The following CCDC110 variants were observed in gnomAD, a reference collection of about 807,000 sequenced individuals.
CCDC110 encodes coiled-coil domain containing 110, also known as coiled-coil domain-containing protein 110.
A neutral mutation model predicts 77.1 loss-of-function variants in CCDC110; 70 were observed. The observed-to-expected ratio is 0.91, with a 90% CI of 0.75 to 1.11. The LOEUF is 1.11. Among genes scored for constraint, CCDC110 ranks in the 50% least tolerant of loss-of-function variants. CCDC110 has a pLI of 0.00. For synonymous variants in CCDC110, 295 were observed against 312.5 expected (o/e 0.94, Z 0.59); for missense variants, 868 against 942.9 (o/e 0.92, Z 1.04).
rs766316951 is a variant in CCDC110, at chr4:185,445,514, G to C, written c.2490C>G (p.Leu830=). 21 of 1,579,270 alleles carry C rather than the reference G, an allele frequency of 1.3e-5. No individual in the cohort carries two copies. The highest frequency in any genetic ancestry group is 1.7e-5 in the Admixed American group (1 of 57,376). ...KGYFKVKDRT[L]KHH Reference sequence around the variant, plus strand: ...ATCTTGAGGAATCCTAATGATGCTTGAGAGTTCTGTCTTTAACTTTGAAAT... The same window carrying C: ...ATCTTGAGGAATCCTAATGATGCTTCAGAGTTCTGTCTTTAACTTTGAAAT... The change falls in exon 7 of 7, where the codon CTC becomes CTG. Residue 830 remains leucine, a synonymous_variant. Coordinates refer to ENST00000307588, the MANE Select transcript of CCDC110 (RefSeq NM_152775.4).
At position 185,459,310 on chromosome 4, in the gene CCDC110, G is replaced by A. The variant is rs1561160645; in HGVS notation, c.1277C>T (p.Ala426Val). 3.7e-6 allele frequency: 6 copies of A among 1,612,724 alleles called. No homozygotes were observed. Among genetic ancestry groups the A allele is most frequent in the Non-Finnish European group, 5.1e-6 (6 of 1,179,208 alleles). Residue 426 changes from alanine (A) to valine (V), a missense_variant, in exon 6 of 7, where the codon GCA becomes GTA. Ala to Val is a moderately conservative substitution (Grantham distance 64). Coordinates refer to ENST00000307588, the MANE Select transcript of CCDC110 (RefSeq NM_152775.4). Reference protein sequence around the residue: ...KVNSVTEQCVAKIQYLQNYLK... With the variant: ...KVNSVTEQCVVKIQYLQNYLK... ...GTAATTCTGTAAGTACTGAATTTTT[G>A]CAACACACTGCTCAGTAACGGAATT...
At chr4:185,450,487 G>A (rs560507132) in intron 6 of CCDC110, among the ~76,000 whole-genome samples, 1 of 152,240 alleles carries the variant, frequency 6.6e-6, no homozygotes, top group East Asian at 1.9e-4. Context: ...GGTGGCTCAC[G>A]CCTGAAATCC....
intron 6 of CCDC110, among the ~76,000 whole-genome samples, chr4:185,454,502 T>C (rs912450862): frequency 3.3e-5 from 5 of 151,834 alleles, no homozygotes; most frequent in African/African-American, 1.2e-4. Flanking sequence ...TCACTTAAGG[T>C]CAGGAGTTCG....
chr4:185,454,678 C>T (rs2095633693), intron 6 of CCDC110, among the ~76,000 whole-genome samples: 1 of 152,068 alleles, frequency 6.6e-6, no homozygotes. Flanking sequence ...CAGGCCACTG[C>T]ACTCCAGCCT....
Position 185,466,040 on chromosome 4 carries a change from C to T in CCDC110, c.116-2991G>A, listed in dbSNP as rs144182586. On this transcript the variant is annotated intron_variant, in intron 2 of 6. Transcript: ENST00000307588. ...AGAGATATCCAATAGTCAGGTGGGT[C>T]TACCAGTGTATGATTCATGGGAGCA... Among the ~76,000 whole-genome samples, 27 of 152,298 alleles carry T rather than the reference C, an allele frequency of 1.8e-4. No homozygotes were observed. In the East Asian group the frequency reaches 5.0e-3, roughly 28 times the overall value.
At chr4:185,452,888 C>CAAAAAA (rs70962569) in intron 6 of CCDC110, among the ~76,000 whole-genome samples, 3 of 67,252 alleles carry the variant, frequency 4.5e-5, no homozygotes, top group African/African-American at 6.1e-5. Flanking sequence ...GAGTGAGACT[C>CAAAAAA]AAAAAAAAAA....
In CCDC110 at chr4:185,445,192, C is replaced by T. The variant is rs906341816; in HGVS notation, c.*310G>A. 28 of 1,334,522 alleles carry T rather than the reference C, an allele frequency of 2.1e-5. No individual in the cohort carries two copies. Among genetic ancestry groups the T allele is most frequent in the Non-Finnish European group, 2.7e-5 (26 of 969,718 alleles). 82.7% of individuals were successfully genotyped at this position (1,334,522 alleles called of 1,614,324 possible). ...AAAATTGTTTCCAACTTTTATACTTCTTCAAAATAGTATCTTTTATTTATA... is the reference window on the plus strand; with the variant it reads ...AAAATTGTTTCCAACTTTTATACTTTTTCAAAATAGTATCTTTTATTTATA... On this transcript the variant is annotated 3_prime_UTR_variant, in exon 7 of 7. Coordinates refer to ENST00000307588, the MANE Select transcript of CCDC110 (RefSeq NM_152775.4).
intron 6 of CCDC110, among the ~76,000 whole-genome samples, chr4:185,453,586 C>T (rs1414707650): frequency 4.9e-5 from 7 of 143,936 alleles, no homozygotes; most frequent in South Asian, 2.2e-4. Flanking sequence ...CTTGCTCTGT[C>T]GCCTAGGCTG....
chr4:185,459,143 T>A lies in CCDC110; in HGVS notation c.1444A>T (p.Asn482Tyr). 6.3e-7 allele frequency: 1 copy of A among 1,598,854 alleles called. No homozygotes were observed. The highest frequency in any genetic ancestry group is 8.5e-7 in the Non-Finnish European group (1 of 1,171,822). ...ATAGTACTCTTTTCTTCAACCAGAT[T>A]CTTAAGTTGCTTTTCATATGTTTCA... ...KVETYEKQLK[N>Y]LVEEKSTIQS... The change falls in exon 6 of 7, where the codon AAT becomes TAT. Residue 482 changes from asparagine to tyrosine, a missense_variant. Physicochemically the swap from Asn to Tyr is moderately radical, Grantham distance 143. Coordinates refer to ENST00000307588, the MANE Select transcript of CCDC110 (RefSeq NM_152775.4).
chr4:185,461,771 G>A (rs2095646844), intron 4 of CCDC110, among the ~76,000 whole-genome samples: 1 of 152,180 alleles, frequency 6.6e-6, no homozygotes, highest in African/African-American at 2.4e-5. Flanking sequence ...GGATCCATCT[G>A]AATCAGGCCA....
chr4:185,449,522 TA>T (rs35349112), intron 6 of CCDC110: 34,676 of 803,906 alleles, frequency 0.043, no homozygotes, highest in South Asian at 0.081. Context: ...GACCCGGTCT[TA>T]AAAAAAAAAA....
rs1321147142 is a variant in CCDC110, at chr4:185,458,912, T to A, written c.1675A>T (p.Ile559Phe). ...KEHKTQSDMA[I>F]VNNENNRMSI... Reference sequence around the variant, plus strand: ...ATTCGATTATTTTCATTATTTACAATGGCCATATCACTTTGAGTTTTGTGT... The same window carrying A: ...ATTCGATTATTTTCATTATTTACAAAGGCCATATCACTTTGAGTTTTGTGT... The change falls in exon 6 of 7, where the codon ATT (isoleucine) becomes TTT (phenylalanine). Residue 559 changes from isoleucine (I) to phenylalanine (F), a missense_variant. By Grantham distance (21) the Ile-to-Phe change is conservative. Transcript: ENST00000307588. 3.7e-6 allele frequency: 6 copies of A among 1,607,934 alleles called. No individual in the cohort carries two copies. Among genetic ancestry groups the A allele is most frequent in the Non-Finnish European group, 5.1e-6 (6 of 1,178,678 alleles).
At chr4:185,467,873 A>G (rs1477648275) in intron 2 of CCDC110, among the ~76,000 whole-genome samples, 1 of 152,194 alleles carries the variant, frequency 6.6e-6, no homozygotes, top group African/African-American at 2.4e-5. Flanking sequence ...GGTTCAAGTG[A>G]TTCTCCTGCC....
rs1304447322 is a variant in CCDC110, at chr4:185,458,394, T to C, written c.2193A>G (p.Lys731=). 5 of 1,594,462 alleles carry C rather than the reference T, an allele frequency of 3.1e-6. No homozygotes were observed. In the Admixed American group the frequency reaches 8.9e-5, roughly 28 times the overall value. ...TAAGTCTACTGATGCTGTTTTCAAATTTTATATTTTCTTGACTATGTTTCT... is the reference window on the plus strand; with the variant it reads ...TAAGTCTACTGATGCTGTTTTCAAACTTTATATTTTCTTGACTATGTTTCT... ...ELKKHSQENI[K]FENSISRLTE... The change falls in exon 6 of 7, where the codon AAA becomes AAG. Residue 731 remains lysine (K), a synonymous_variant. Transcript: ENST00000307588.
chr4:185,460,313 G>T, intron 5 of CCDC110, 75 bp from the exon 6 acceptor site: 2 of 1,143,412 alleles, frequency 1.7e-6, no homozygotes, highest in East Asian at 2.4e-5. Flanking sequence ...AATATTTTGT[G>T]GAGGGTTTAT....
intron 2 of CCDC110, among the ~76,000 whole-genome samples, chr4:185,465,466 A>G (rs1373906468): frequency 2.0e-5 from 3 of 152,134 alleles, no homozygotes; most frequent in Non-Finnish European, 4.4e-5. Context: ...TTTTGGCCTC[A>G]CCGTGATTGC....
intron 6 of CCDC110, chr4:185,457,129 A>T (rs1226957602): frequency 2.5e-6 from 1 of 399,576 alleles, no homozygotes; most frequent in Non-Finnish European, 5.0e-6. Flanking sequence ...AATTTACCAT[A>T]TTAACAGATT....
intron 2 of CCDC110, among the ~76,000 whole-genome samples, chr4:185,465,969 C>T (rs1183065683): frequency 6.6e-6 from 1 of 152,126 alleles, no homozygotes. Flanking sequence ...AGGAGAAAAA[C>T]ATTTTTAGAT....
In CCDC110 at chr4:185,455,650, G is replaced by A. The variant is rs965071538; in HGVS notation, c.2461+2476C>T. On this transcript the variant is annotated intron_variant, in intron 6 of 6. Coordinates refer to ENST00000307588, the MANE Select transcript of CCDC110 (RefSeq NM_152775.4). Reference sequence around the variant, plus strand: ...TGTAATCCCAGCACTTTGGGAGGCCGAGGCAGGTGGATCACCTGAGGTCAG... The same window carrying A: ...TGTAATCCCAGCACTTTGGGAGGCCAAGGCAGGTGGATCACCTGAGGTCAG... 6.6e-5 allele frequency among the ~76,000 whole-genome samples: 10 copies of A among 152,256 alleles called. No homozygotes were observed. The East Asian group carries it at 1.2e-3, about 18-fold the overall frequency.
Sources: allele counts gnomAD v4.1 joint callset (sites outside exome capture counted in the v4.1 genomes callset), GRCh38; gene constraint gnomAD v4.1.1; transcripts MANE v1.5; gene names NCBI Gene and HGNC (gene_info 2026-07-23, HGNC 2026-07-21).